Variants in ANKIB1 observed in about 807,000 individuals in gnomAD.
ANKIB1 encodes the protein ankyrin repeat and IBR domain-containing protein 1.
Under a neutral mutation model 122.1 loss-of-function variants are expected in ANKIB1, and 43 were observed. That is an observed-to-expected ratio of 0.35 (90% CI 0.28 to 0.45). The LOEUF (loss-of-function observed/expected upper bound fraction) is 0.45. Ranked by LOEUF, ANKIB1 falls within the 20% of genes least tolerant of loss-of-function variation. The probability of loss-of-function intolerance (pLI) is 1.00; values close to 1 mark genes in which losing one functional copy is unlikely to be tolerated. For missense variants in ANKIB1, 992 were observed against 1,329.5 expected, an observed-to-expected ratio of 0.75 and a Z score of 3.95; for synonymous variants, 390 against 442.0, an observed-to-expected ratio of 0.88 and a Z score of 1.48.
chr7:92,270,728 GTTTTTTTTTTT>G (rs397889266), intron 1 of ANKIB1, among the ~76,000 whole-genome samples: 1 of 81,982 alleles, frequency 1.2e-5, no homozygotes, highest in Non-Finnish European at 2.3e-5. Flanking sequence ...CATCGCTATA[GTTTTTTTTTTT>G]TTTTTTTTTT....
intron 1 of ANKIB1, among the ~76,000 whole-genome samples, chr7:92,274,650 C>T (rs1801863072): frequency 6.6e-6 from 1 of 152,138 alleles, no homozygotes; most frequent in Admixed American, 6.5e-5. Flanking sequence ...TTCTTAACTC[C>T]TTATAAGATT....
At chr7:92,260,555 C>A (rs756063202) in intron 1 of ANKIB1, among the ~76,000 whole-genome samples, 1 of 151,926 alleles carries the variant, frequency 6.6e-6, no homozygotes, top group Non-Finnish European at 1.5e-5. Flanking sequence ...TGGTACATGG[C>A]GGTAGTCCCA....
Position 92,319,383 on chromosome 7 carries a change from T to A in ANKIB1, c.540T>A (p.Thr180=), listed in dbSNP as rs751670970. The change falls in exon 4 of 20, where the codon ACT becomes ACA. Residue 180 remains threonine, a synonymous_variant. Coordinates refer to ENST00000265742, the MANE Select transcript of ANKIB1 (RefSeq NM_019004.2). ...TTGCTGAGAATGAAAATAAAGATAC[T>A]CCTTGTGATTGTGCTGAAAAGCAAC... ...DLFAENENKD[T]PCDCAEKQHH... The A allele has an allele frequency of 5.0e-6, 8 of 1,611,100 alleles. No individual in the cohort carries two copies. The Admixed American group carries it at 1.3e-4, about 27-fold the overall frequency.
At chr7:92,355,882 A>G (rs10227856) in intron 9 of ANKIB1, among the ~76,000 whole-genome samples, 13 of 112,700 alleles carry the variant, frequency 1.2e-4, no homozygotes, top group South Asian at 5.4e-4. Context: ...AATAATAATA[A>G]TAATAGTAAT....
intron 1 of ANKIB1, among the ~76,000 whole-genome samples, chr7:92,247,258 A>G (rs1383269557): frequency 1.3e-5 from 2 of 152,242 alleles, no homozygotes; most frequent in East Asian, 1.9e-4. Context: ...GCTGTTTCAA[A>G]TAGTGTATTT....
chr7:92,280,477 G>A (rs943513046), intron 1 of ANKIB1, among the ~76,000 whole-genome samples: 1 of 144,362 alleles, frequency 6.9e-6, no homozygotes, highest in Non-Finnish European at 1.5e-5. Context: ...TTCCTCTTGA[G>A]TTTTAAGCTT....
intron 4 of ANKIB1, among the ~76,000 whole-genome samples, chr7:92,322,621 A>G (rs1802935869): frequency 6.6e-6 from 1 of 152,198 alleles, no homozygotes; most frequent in Non-Finnish European, 1.5e-5. Context: ...TTTAATGCAA[A>G]AGTAAGATCA....
At position 92,392,279 on chromosome 7, in the gene ANKIB1, T is replaced by G. The variant is rs1302040518; in HGVS notation, c.2270T>G (p.Phe757Cys). ...GGTWDWEYLG[F>C]ASPEEYAEFQ... is the part of the protein sequence containing the mutation. ...ACATGGGATTGGGAATATTTAGGAT[T>G]TGCATCACCAGAGGTAATTGTTTTA... The change falls in exon 17 of 20, where the codon TTT becomes TGT. Residue 757 changes from phenylalanine to cysteine, a missense_variant. By Grantham distance (205) the Phe-to-Cys change is radical. Around this residue, in one of 4 missense-constraint regions of ANKIB1, gnomAD observed 384 missense variants for 412.0 expected, o/e 0.93. Transcript: ENST00000265742. The G allele has an allele frequency of 6.2e-7, 1 of 1,610,632 alleles. No individual in the cohort carries two copies. Among genetic ancestry groups the G allele is most frequent in the South Asian group, 1.1e-5 (1 of 90,474 alleles).
chr7:92,314,171 G>A (rs1338214129), intron 3 of ANKIB1, among the ~76,000 whole-genome samples: 1 of 151,872 alleles, frequency 6.6e-6, no homozygotes, highest in Non-Finnish European at 1.5e-5. Flanking sequence ...GGTGATGCAC[G>A]CCTGTAGTCC....
chr7:92,274,648 T>C (rs1312542011), intron 1 of ANKIB1, among the ~76,000 whole-genome samples: 1 of 152,100 alleles, frequency 6.6e-6, no homozygotes, highest in Non-Finnish European at 1.5e-5. Flanking sequence ...CATTCTTAAC[T>C]CCTTATAAGA....
At chr7:92,291,828 G>A (rs767148565) in intron 1 of ANKIB1, among the ~76,000 whole-genome samples, 9 of 152,086 alleles carry the variant, frequency 5.9e-5, no homozygotes, top group Non-Finnish European at 1.2e-4. Context: ...ACCTGCCTCA[G>A]GCTCCCAAAG....
rs1800971456 is a variant in ANKIB1 at position 92,246,187 on chromosome 7, G to GGAGGCAA, written c.-419_-413dup. ...CATGAGCCGGGCTTGACCGCGAGGC[G>GGAGGCAA]GAGGCAAGAGCCACCGCCCCCTCTT... On this transcript the variant is annotated 5_prime_UTR_variant, in exon 1 of 20. Transcript: ENST00000265742. 8.4e-6 allele frequency: 3 copies of GGAGGCAA among 358,340 alleles called. No homozygotes were observed. Among genetic ancestry groups the GGAGGCAA allele is most frequent in the Non-Finnish European group, 1.6e-5 (3 of 190,030 alleles). 22.2% of individuals were successfully genotyped at this position (358,340 alleles called of 1,614,324 possible).
chr7:92,313,598 A>G lies in ANKIB1; in HGVS notation c.487-5732A>G, dbSNP rs1686570612. ...CAGGTATTGAAGAGATAATTTTTTA[A>G]TTTTACATATCCTGGAAGATTTCAT... On this transcript the variant is annotated intron_variant, in intron 3 of 19. Transcript: ENST00000265742. Among the ~76,000 whole-genome samples the G allele has an allele frequency of 1.3e-5, 2 of 152,120 alleles. 1 individual carries two copies. Among genetic ancestry groups the G allele is most frequent in the South Asian group, 4.1e-4 (2 of 4,828 alleles).
intron 5 of ANKIB1, among the ~76,000 whole-genome samples, chr7:92,329,319 T>G (rs1288945029): frequency 6.6e-6 from 1 of 152,136 alleles, no homozygotes; most frequent in Non-Finnish European, 1.5e-5. Context: ...TTTTCCCACC[T>G]TATATACCTG....
chr7:92,370,707 A>G lies in ANKIB1; in HGVS notation c.1487-770A>G, dbSNP rs370398775. Among the ~76,000 whole-genome samples the G allele has an allele frequency of 2.6e-5, 4 of 152,126 alleles. No individual in the cohort carries two copies. The South Asian group carries it at 8.3e-4, about 32-fold the overall frequency. On this transcript the variant is annotated intron_variant, in intron 10 of 19. Coordinates refer to ENST00000265742, the MANE Select transcript of ANKIB1 (RefSeq NM_019004.2). ...ACTTATTACACATTCTATGCACATTACAGTCACATCTACCCATAAATATGT... is the reference window on the plus strand; with the variant it reads ...ACTTATTACACATTCTATGCACATTGCAGTCACATCTACCCATAAATATGT...
intron 11 of ANKIB1, among the ~76,000 whole-genome samples, chr7:92,385,713 A>C (rs1004354069): frequency 6.6e-6 from 1 of 152,134 alleles, no homozygotes; most frequent in African/African-American, 2.4e-5. Flanking sequence ...AGGGAACATC[A>C]CATACTGGGG....
chr7:92,257,796 A>T (rs1801480276), intron 1 of ANKIB1, among the ~76,000 whole-genome samples: 1 of 152,358 alleles, frequency 6.6e-6, no homozygotes, highest in African/African-American at 2.4e-5. Flanking sequence ...CTGTCTCAAA[A>T]AAAATAAAAT....
intron 9 of ANKIB1, among the ~76,000 whole-genome samples, chr7:92,359,975 T>G (rs548526038): frequency 7.9e-4 from 120 of 152,212 alleles, no homozygotes; most frequent in Non-Finnish European, 1.5e-3. Flanking sequence ...CTAGGAGCTC[T>G]GTAAAACCAC....
intron 16 of ANKIB1, among the ~76,000 whole-genome samples, chr7:92,391,754 A>C (rs996222079): frequency 1.3e-5 from 2 of 152,158 alleles, no homozygotes; most frequent in African/African-American, 4.8e-5. Flanking sequence ...GAAGTTGTGA[A>C]GGAAAGAGAA....
Sources: gnomAD v4.1 joint callset for allele counts (sites outside exome capture counted in the v4.1 genomes callset) on GRCh38, gnomAD v4.1.1 for gene constraint, gnomAD v4.1.1 regional missense constraint, MANE v1.5 for transcripts, NCBI Gene and HGNC (gene_info 2026-07-23, HGNC 2026-07-21) for gene names.